CLINT1: variants seen among roughly 807,000 people sequenced by gnomAD.
The protein encoded by CLINT1 is clathrin interactor 1, also known as clathrin interacting protein localized in the trans-Golgi region.
In CLINT1, 15 loss-of-function variants were observed where a neutral mutation model predicts 70.4. The ratio of observed to expected loss-of-function variants is 0.21; its 90% CI spans 0.14 to 0.33. CLINT1 has a LOEUF of 0.33. Ranked by LOEUF, CLINT1 falls within the 10% of genes least tolerant of loss-of-function variation. The probability of loss-of-function intolerance (pLI) is 1.00; values close to 1 mark genes in which losing one functional copy is unlikely to be tolerated. For synonymous variants in CLINT1, 227 were observed against 254.7 expected, an observed-to-expected ratio of 0.89 and a Z score of 1.04; for missense variants, 615 against 778.1, an observed-to-expected ratio of 0.79 and a Z score of 2.49.
At chr5:157,795,019 G>C (rs1170958459) in intron 8 of CLINT1, 47 bp from the exon 9 acceptor site, 21 of 1,476,616 alleles carry the variant, frequency 1.4e-5, no homozygotes, top group Non-Finnish European at 1.9e-5. Flanking sequence ...GAGAAAAATT[G>C]TAAATAATTT....
rs547527007 is a variant in CLINT1, at chr5:157,859,058, G to A, written c.-88C>T. 7,828 of 1,488,848 alleles carry A rather than the reference G, an allele frequency of 5.3e-3. 52 individuals carry two copies. Among genetic ancestry groups the A allele is most frequent in the Non-Finnish European group, 5.7e-3 (6,212 of 1,091,180 alleles). 92.2% of individuals were successfully genotyped at this position (1,488,848 alleles called of 1,614,324 possible). ...TCCGTACCGGGGCAGTTCCAGGCCG[G>A]GGTCACCGCCGCCCGCCGCCTCGAA... On this transcript the variant is annotated 5_prime_UTR_variant, in exon 1 of 12. Transcript: ENST00000411809.
Position 157,859,129 on chromosome 5 carries a change from G to C in CLINT1, c.-159C>G, listed in dbSNP as rs1364360701. On this transcript the variant is annotated 5_prime_UTR_variant, in exon 1 of 12. Coordinates refer to ENST00000411809, the MANE Select transcript of CLINT1 (RefSeq NM_014666.4). Reference sequence around the variant, plus strand: ...CTTTGCCACAGCAGCGGCGCCGCCGGTGACACGTCGAGACGCGGCAGCACA... The same window carrying C: ...CTTTGCCACAGCAGCGGCGCCGCCGCTGACACGTCGAGACGCGGCAGCACA... The C allele has an allele frequency of 3.0e-6, 2 of 676,102 alleles. No individual in the cohort carries two copies. The highest frequency in any genetic ancestry group is 4.3e-5 in the South Asian group (2 of 46,996). The allele number at this position is 676,102 out of a possible 1,614,324, so 41.9% of individuals were successfully genotyped here.
chr5:157,827,934 G>C (rs1161756184), intron 1 of CLINT1, among the ~76,000 whole-genome samples: 1 of 152,086 alleles, frequency 6.6e-6, no homozygotes, highest in African/African-American at 2.4e-5. Flanking sequence ...TAATTTTTTA[G>C]AGATTATTAG....
At chr5:157,843,211 A>C (rs1400434129) in intron 1 of CLINT1, among the ~76,000 whole-genome samples, 1 of 152,214 alleles carries the variant, frequency 6.6e-6, no homozygotes, top group South Asian at 2.1e-4. Context: ...ATTGGAACCT[A>C]AAAATGGCCT....
At chr5:157,852,854 A>T (rs1219972548) in intron 1 of CLINT1, among the ~76,000 whole-genome samples, 1 of 152,222 alleles carries the variant, frequency 6.6e-6, no homozygotes, top group Non-Finnish European at 1.5e-5. Context: ...CACATAATTA[A>T]GCTAAACAAG....
chr5:157,821,574 C>G (rs1762880925), intron 1 of CLINT1, among the ~76,000 whole-genome samples: 1 of 152,218 alleles, frequency 6.6e-6, no homozygotes, highest in Admixed American at 6.5e-5. Context: ...GCCCTTCTCA[C>G]ATGTGTTCTA....
At chr5:157,804,038 A>T (rs75207771) in intron 7 of CLINT1, among the ~76,000 whole-genome samples, 1 of 25,008 alleles carries the variant, frequency 4.0e-5, no homozygotes, top group Non-Finnish European at 8.4e-5. Flanking sequence ...TCAGTTCATT[A>T]AAAAAAAAAA....
intron 8 of CLINT1, among the ~76,000 whole-genome samples, chr5:157,802,016 T>A (rs1216907754): frequency 6.6e-6 from 1 of 151,998 alleles, no homozygotes; most frequent in African/African-American, 2.4e-5. Context: ...TGCCTTAGTC[T>A]CCTGAGTAGC....
At chr5:157,839,722 TC>T (rs1763560290) in intron 1 of CLINT1, among the ~76,000 whole-genome samples, 1 of 64,874 alleles carries the variant, frequency 1.5e-5, no homozygotes, top group Admixed American at 1.9e-4. Flanking sequence ...ACAACAAAAA[TC>T]TATCTATCTA....
chr5:157,851,980 T>C (rs1753593015), intron 1 of CLINT1, among the ~76,000 whole-genome samples: 1 of 152,236 alleles, frequency 6.6e-6, no homozygotes, highest in African/African-American at 2.4e-5. Flanking sequence ...TTCTCCAATG[T>C]GCTTTCCTTG....
chr5:157,848,937 C>G (rs951064743), intron 1 of CLINT1, among the ~76,000 whole-genome samples: 1 of 152,136 alleles, frequency 6.6e-6, no homozygotes, highest in Non-Finnish European at 1.5e-5. Flanking sequence ...GCTGGGATTA[C>G]AGGTGTAAGC....
intron 8 of CLINT1, among the ~76,000 whole-genome samples, chr5:157,798,165 G>A (rs1236335717): frequency 6.6e-6 from 1 of 152,070 alleles, no homozygotes; most frequent in Non-Finnish European, 1.5e-5. Flanking sequence ...CTGTATGTAT[G>A]ATATTCATAC....
At chr5:157,791,655 A>G in intron 10 of CLINT1, 48 bp downstream of exon 10, 1 of 1,505,058 alleles carries the variant, frequency 6.6e-7, no homozygotes, top group Non-Finnish European at 9.0e-7. Flanking sequence ...GAGTTAGAGC[A>G]TCTCAAAGAT....
intron 1 of CLINT1, among the ~76,000 whole-genome samples, chr5:157,831,810 C>T (rs1763253421): frequency 6.7e-6 from 1 of 150,290 alleles, no homozygotes; most frequent in South Asian, 2.1e-4. Context: ...TCCCATCTTA[C>T]TCTCCTGAGT....
intron 5 of CLINT1, among the ~76,000 whole-genome samples, chr5:157,812,393 A>C (rs1314128633): frequency 6.6e-6 from 1 of 152,220 alleles, no homozygotes; most frequent in Non-Finnish European, 1.5e-5. Flanking sequence ...GCCGTGAAAG[A>C]CAGTTCCTAT....
intron 10 of CLINT1, 59 bp from the exon 11 acceptor site, chr5:157,789,572 A>G: frequency 6.2e-7 from 1 of 1,610,360 alleles, no homozygotes; most frequent in Non-Finnish European, 8.5e-7. Context: ...CAAAGGCTGG[A>G]AAATAGAAAA....
intron 5 of CLINT1, among the ~76,000 whole-genome samples, chr5:157,811,361 G>A (rs750664975): frequency 1.7e-4 from 26 of 152,056 alleles, no homozygotes; most frequent in Middle Eastern, 3.4e-3. Flanking sequence ...GGCCAACATG[G>A]CGAAACCCTA....
intron 1 of CLINT1, among the ~76,000 whole-genome samples, chr5:157,834,919 G>A (rs1050673751): frequency 6.6e-6 from 1 of 151,960 alleles, no homozygotes; most frequent in Non-Finnish European, 1.5e-5. Flanking sequence ...CTCCATATAC[G>A]CAAATTTGCC....
chr5:157,859,105 T>C lies in CLINT1; in HGVS notation c.-135A>G, dbSNP rs1178296802. Reference sequence around the variant, plus strand: ...CGAACTCCCCCAGTCAGCTCCTTCCTTTGCCACAGCAGCGGCGCCGCCGGT... The same window carrying C: ...CGAACTCCCCCAGTCAGCTCCTTCCCTTGCCACAGCAGCGGCGCCGCCGGT... On this transcript the variant is annotated 5_prime_UTR_variant, in exon 1 of 12. Transcript: ENST00000411809. The C allele has an allele frequency of 5.7e-6, 5 of 879,780 alleles. No individual in the cohort carries two copies. In the East Asian group the frequency reaches 1.3e-4, roughly 23 times the overall value. 54.5% of individuals were successfully genotyped at this position (879,780 alleles called of 1,614,324 possible). A position where few individuals can be genotyped will look rare whatever the true frequency, so the allele number is the denominator to read the frequency against.
Sources: gnomAD v4.1 joint callset for allele counts (sites outside exome capture counted in the v4.1 genomes callset) on GRCh38, gnomAD v4.1.1 for gene constraint, MANE v1.5 for transcripts, NCBI Gene and HGNC (gene_info 2026-07-23, HGNC 2026-07-21) for gene names.